CWH43: variants seen among roughly 807,000 people sequenced by gnomAD.
CWH43 encodes the protein cell wall biogenesis 43 C-terminal homolog, also known as PGAP2-interacting protein.
In CWH43, 91 loss-of-function variants were observed where a neutral mutation model predicts 85.7. The ratio of observed to expected loss-of-function variants is 1.06; its 90% CI spans 0.90 to 1.26. The LOEUF (loss-of-function observed/expected upper bound fraction) is 1.26, where lower values mean the gene tolerates loss of function less well. CWH43 is among the 50% of genes most tolerant of loss of function. The probability of loss-of-function intolerance (pLI) is 0.00; values close to 1 mark genes in which losing one functional copy is unlikely to be tolerated. For missense variants in CWH43, 869 were observed against 839.2 expected (o/e 1.04, Z -0.44); for synonymous variants, 323 against 293.6 (o/e 1.10, Z -1.02).
chr4:48,988,500 C>G lies in CWH43; in HGVS notation c.67C>G (p.His23Asp), dbSNP rs1384898542. 7 of 1,595,810 alleles carry G rather than the reference C, an allele frequency of 4.4e-6. No individual in the cohort carries two copies. Among genetic ancestry groups the G allele is most frequent in the African/African-American group, 2.7e-5 (2 of 73,664 alleles). The part of the protein sequence containing the change: ...LLGCVSWSLY[H>D]DLGPMIYYFP... ...AGGATGTGTTTCTTGGTCTCTCTAC[C>G]ATGACCTGGGACCGATGATCTATTA... is the stretch of plus-strand genomic sequence containing the variant. Residue 23 changes from histidine (H) to aspartate (D), a missense_variant, in exon 2 of 16, where the codon CAT (histidine) becomes GAT (aspartate). Physicochemically the swap from His to Asp is moderately conservative, Grantham distance 81. This residue lies in a region of CWH43 where 140 missense variants were observed against 122.6 expected (regional missense o/e 1.14). Transcript: ENST00000226432.
rs758725626 is a variant in CWH43, at chr4:48,994,656, T to C, written c.549T>C (p.Gly183=). 1 of 1,614,116 alleles carries C rather than the reference T, an allele frequency of 6.2e-7. No homozygotes were observed. The highest frequency in any genetic ancestry group is 2.2e-5 in the East Asian group (1 of 44,882). ...GTAAACCTGAAGAAAAGAAGACTGGTGAGGTAGCCACGGGGATGGCCTCTA... is the reference window on the plus strand; with the variant it reads ...GTAAACCTGAAGAAAAGAAGACTGGCGAGGTAGCCACGGGGATGGCCTCTA... ...DCSKPEEKKT[G]EVATGMASRP... Residue 183 remains glycine (G), a synonymous_variant, in exon 5 of 16, where the codon GGT becomes GGC. Coordinates refer to ENST00000226432, the MANE Select transcript of CWH43 (RefSeq NM_025087.3).
chr4:49,032,788 T>TA, intron 12 of CWH43, 73 bp downstream of exon 12: 2 of 1,508,724 alleles, frequency 1.3e-6, no homozygotes, highest in Non-Finnish European at 1.8e-6. Flanking sequence ...TTGATTTCTA[T>TA]GAAATCACCT....
intron 15 of CWH43, among the ~76,000 whole-genome samples, chr4:49,051,878 T>C (rs1457944180): frequency 6.6e-6 from 1 of 152,180 alleles, no homozygotes; most frequent in African/African-American, 2.4e-5. Context: ...TGCCCGGCCT[T>C]GTTTTGTTTT....
intron 15 of CWH43, among the ~76,000 whole-genome samples, chr4:49,055,702 G>A (rs1784930282): frequency 6.6e-6 from 1 of 151,360 alleles, no homozygotes; most frequent in Non-Finnish European, 1.5e-5. Flanking sequence ...CAATTCTCCT[G>A]CCTCAGCCTC....
At chr4:49,022,362 C>T (rs200797192) in intron 9 of CWH43, among the ~76,000 whole-genome samples, 1 of 152,102 alleles carries the variant, frequency 6.6e-6, no homozygotes, top group Non-Finnish European at 1.5e-5. Context: ...TATTGACTTA[C>T]TGATGTTAAA....
chr4:49,015,185 A>G (rs975320998), intron 8 of CWH43, among the ~76,000 whole-genome samples: 6 of 150,688 alleles, frequency 4.0e-5, no homozygotes, highest in Non-Finnish European at 3.0e-5. Context: ...TGATCATCTT[A>G]CTTTTCTTTT....
At chr4:49,046,684 AG>A (rs947405961) in intron 14 of CWH43, among the ~76,000 whole-genome samples, 1 of 151,972 alleles carries the variant, frequency 6.6e-6, no homozygotes, top group African/African-American at 2.4e-5. Context: ...CAGGCAGGGG[AG>A]GCGGGGAAAG....
rs924954674 is a variant in CWH43 at position 48,992,055 on chromosome 4, T to A, written c.476T>A (p.Leu159Ter). 1 of 1,614,072 alleles carries A rather than the reference T, an allele frequency of 6.2e-7. No individual in the cohort carries two copies. Among genetic ancestry groups the A allele is most frequent in the Non-Finnish European group, 8.5e-7 (1 of 1,179,948 alleles). The change falls in exon 4 of 16, where the codon TTA becomes TAA. Residue 159 changes from leucine (L) to a stop codon, truncating the protein, a stop_gained. Coordinates refer to ENST00000226432, the MANE Select transcript of CWH43 (RefSeq NM_025087.3). LOFTEE classifies it high-confidence loss of function. The surrounding 1 kb of genome is among the most constrained non-coding windows in gnomAD (Gnocchi z 4.3). ...YQMSNKVILTLSAIATLDRIG... is the reference protein window; with the variant it reads ...YQMSNKVILT ...ATGTCCAACAAAGTGATACTGACAT[T>A]AAGTGCCATAGCCACACTTGATCGT... is the stretch of plus-strand genomic sequence containing the variant.
Position 49,050,712 on chromosome 4 carries a change from C to A in CWH43, c.1884C>A (p.Ile628=). Reference sequence around the variant, plus strand: ...GCTACAGGTTGGGTTATGCAAGAATCTCCCATGCTGAACTGAGTGATTCAG... The same window carrying A: ...GCTACAGGTTGGGTTATGCAAGAATATCCCATGCTGAACTGAGTGATTCAG... ...RGLIRLGYAR[I]SHAELSDSEI... The change falls in exon 15 of 16, where the codon ATC becomes ATA. Residue 628 remains isoleucine (I), a synonymous_variant. Transcript: ENST00000226432. 6.2e-7 allele frequency: 1 copy of A among 1,612,100 alleles called. No homozygotes were observed. The highest frequency in any genetic ancestry group is 8.5e-7 in the Non-Finnish European group (1 of 1,179,100).
At chr4:49,049,009 G>A (rs1784715264) in intron 14 of CWH43, among the ~76,000 whole-genome samples, 1 of 152,082 alleles carries the variant, frequency 6.6e-6, no homozygotes, top group Non-Finnish European at 1.5e-5. Context: ...CTGTTTTAAT[G>A]GAAGATTTGG....
At chr4:48,994,596 A>G (rs1387465587) in intron 4 of CWH43, 23 bp from the exon 5 acceptor site, 3 of 1,591,860 alleles carry the variant, frequency 1.9e-6, no homozygotes, top group Non-Finnish European at 2.6e-6. Context: ...AACTTTTTCC[A>G]TATATGTATT....
chr4:49,002,032 T>A lies in CWH43; in HGVS notation c.803-1703T>A, dbSNP rs148110840. On this transcript the variant is annotated intron_variant, in intron 6 of 15. Coordinates refer to ENST00000226432, the MANE Select transcript of CWH43 (RefSeq NM_025087.3). ...TGAAATTTTGGCAGGATGTGAGAGGTGTCAAGACTTGGCAAGTTTTCTGCA... is the reference window on the plus strand; with the variant it reads ...TGAAATTTTGGCAGGATGTGAGAGGAGTCAAGACTTGGCAAGTTTTCTGCA... 1.6e-3 allele frequency among the ~76,000 whole-genome samples: 242 copies of A among 152,230 alleles called. 4 individuals are homozygous for A. Among genetic ancestry groups the A allele is most frequent in the African/African-American group, 5.5e-3 (230 of 41,552 alleles).
chr4:49,001,043 A>G (rs1782973985), intron 6 of CWH43, among the ~76,000 whole-genome samples: 1 of 152,146 alleles, frequency 6.6e-6, no homozygotes, highest in Non-Finnish European at 1.5e-5. Flanking sequence ...GCTGTGGCCA[A>G]AGAAATCCTG....
intron 9 of CWH43, among the ~76,000 whole-genome samples, chr4:49,021,969 T>A (rs1783762439): frequency 6.6e-6 from 1 of 152,124 alleles, no homozygotes; most frequent in Non-Finnish European, 1.5e-5. Flanking sequence ...CTTTGGGGTT[T>A]TCCAGGTATA....
At chr4:49,055,881 G>A (rs1784937592) in intron 15 of CWH43, among the ~76,000 whole-genome samples, 1 of 151,692 alleles carries the variant, frequency 6.6e-6, no homozygotes, top group South Asian at 2.1e-4. Flanking sequence ...ACAGGCATGA[G>A]CCACTATGGT....
intron 3 of CWH43, 100 bp from the exon 4 acceptor site, chr4:48,991,836 A>T: frequency 9.4e-7 from 1 of 1,064,366 alleles, no homozygotes; most frequent in Non-Finnish European, 1.4e-6. Context: ...ATTACCAATA[A>T]GACTATTTCA....
At chr4:49,040,393 C>T (rs377054853) in intron 13 of CWH43, among the ~76,000 whole-genome samples, 9,370 of 152,290 alleles carry the variant, frequency 0.062, 391 homozygotes, top group Non-Finnish European at 0.095. Context: ...TTCTCCACAT[C>T]CTCTCCAGCA....
intron 9 of CWH43, 95 bp downstream of exon 9, chr4:49,017,423 T>C: frequency 2.4e-6 from 2 of 849,356 alleles, no homozygotes; most frequent in South Asian, 1.8e-5. Context: ...CTGGATCTGA[T>C]GACTTCAGAG....
intron 14 of CWH43, among the ~76,000 whole-genome samples, chr4:49,047,055 G>T (rs918792577): frequency 5.9e-5 from 9 of 152,130 alleles, no homozygotes; most frequent in African/African-American, 2.2e-4. Flanking sequence ...AGGCATCTTG[G>T]CATTGCCTGC....
Sources: gnomAD v4.1 joint callset for allele counts (sites outside exome capture counted in the v4.1 genomes callset) on GRCh38, gnomAD v4.1.1 for gene constraint, gnomAD v4.1.1 regional missense constraint, Gnocchi (gnomAD v3.1) non-coding constraint, MANE v1.5 for transcripts, NCBI Gene and HGNC (gene_info 2026-07-23, HGNC 2026-07-21) for gene names.